The following ITGA9 variants were observed in gnomAD, a reference collection of about 807,000 sequenced individuals.
The protein encoded by ITGA9 is integrin subunit alpha 9.
In ITGA9, 56 loss-of-function variants were observed where a neutral mutation model predicts 127.8. That is an observed-to-expected ratio of 0.44 (90% CI 0.35 to 0.55). The LOEUF (loss-of-function observed/expected upper bound fraction) is 0.55. Among genes scored for constraint, ITGA9 ranks in the 20% least tolerant of loss-of-function variants. The pLI, the probability that ITGA9 is intolerant of heterozygous loss-of-function variation, is 0.00. For missense variants in ITGA9, 1,196 were observed against 1,347.1 expected (o/e 0.89, Z 1.76); for synonymous variants, 508 against 514.5 (o/e 0.99, Z 0.17).
chr3:37,759,337 C>A (rs1199695840), intron 23 of ITGA9, among the ~76,000 whole-genome samples: 1 of 151,838 alleles, frequency 6.6e-6, no homozygotes, highest in African/African-American at 2.4e-5. Flanking sequence ...CTGTATATAT[C>A]ATATATATTT....
intron 23 of ITGA9, among the ~76,000 whole-genome samples, chr3:37,762,517 A>G (rs1696735017): frequency 2.0e-5 from 3 of 152,210 alleles, no homozygotes; most frequent in Admixed American, 6.5e-5. Flanking sequence ...CCTAGAGAGA[A>G]TAGATGGTGA....
intron 10 of ITGA9, among the ~76,000 whole-genome samples, chr3:37,518,340 G>T (rs544623733): frequency 1.8e-4 from 27 of 152,296 alleles, no homozygotes; most frequent in Middle Eastern, 3.4e-3. Flanking sequence ...AGACGTCTTT[G>T]ATACCTCCTA....
chr3:37,649,101 C>A (rs114341041), intron 16 of ITGA9, among the ~76,000 whole-genome samples: 3 of 126,932 alleles, frequency 2.4e-5, no homozygotes, highest in African/African-American at 5.9e-5. Flanking sequence ...AGAAAGGAAT[C>A]AAAACCTATC....
intron 1 of ITGA9, 97 bp from the exon 2 acceptor site, chr3:37,470,910 C>T (rs1698423494): frequency 7.7e-7 from 1 of 1,293,880 alleles, no homozygotes; most frequent in East Asian, 2.3e-5. Context: ...AAAGTGAGCA[C>T]TCAGAGAGCC....
chr3:37,725,040 C>T (rs1701231593), intron 18 of ITGA9, among the ~76,000 whole-genome samples: 1 of 152,140 alleles, frequency 6.6e-6, no homozygotes, highest in African/African-American at 2.4e-5. Flanking sequence ...TCTCAGATCC[C>T]ATCTGCCTCT....
At chr3:37,719,328 C>G (rs368584748) in intron 18 of ITGA9, among the ~76,000 whole-genome samples, 4 of 152,284 alleles carry the variant, frequency 2.6e-5, no homozygotes, top group African/African-American at 2.4e-5. Context: ...GCTGCTGCCC[C>G]CTGAGACAGG....
Position 37,513,817 on chromosome 3 carries a change from C to T in ITGA9, c.952C>T (p.Leu318Phe). 1 of 1,613,990 alleles carries T rather than the reference C, an allele frequency of 6.2e-7. No homozygotes were observed. Residue 318 changes from leucine to phenylalanine, a missense_variant, in exon 9 of 28, where the codon CTC becomes TTC. Transcript: ENST00000264741. ...LCAVDLNGDG[L>F]SDLLVGAPMF... ...CGCAGTTGACCTGAATGGGGACGGCCTCTCTGACCTGCTGGTGGGGGCCCC... is the reference window on the plus strand; with the variant it reads ...CGCAGTTGACCTGAATGGGGACGGCTTCTCTGACCTGCTGGTGGGGGCCCC...
At chr3:37,498,316 C>T (rs1240863754) in intron 5 of ITGA9, among the ~76,000 whole-genome samples, 2 of 152,038 alleles carry the variant, frequency 1.3e-5, no homozygotes, top group Non-Finnish European at 2.9e-5. Context: ...GAGACACCTC[C>T]CTTTAGATGG....
At chr3:37,570,200 G>A (rs1161328884) in intron 15 of ITGA9, among the ~76,000 whole-genome samples, 1 of 152,234 alleles carries the variant, frequency 6.6e-6, no homozygotes, top group Admixed American at 6.5e-5. Context: ...AAACCCAGTA[G>A]GATGCACCTC....
At chr3:37,594,077 A>T (rs976058213) in intron 15 of ITGA9, among the ~76,000 whole-genome samples, 6 of 152,224 alleles carry the variant, frequency 3.9e-5, no homozygotes, top group Non-Finnish European at 4.4e-5. Flanking sequence ...CTGCTGCCAC[A>T]CGTGGGGCCA....
intron 4 of ITGA9, among the ~76,000 whole-genome samples, chr3:37,490,973 C>T (rs1006871093): frequency 3.0e-5 from 4 of 133,286 alleles, no homozygotes; most frequent in South Asian, 2.6e-4. Context: ...GCTTCCCCCC[C>T]GCTTTTTTTT....
At chr3:37,491,357 T>G (rs1698671533) in intron 4 of ITGA9, among the ~76,000 whole-genome samples, 2 of 152,196 alleles carry the variant, frequency 1.3e-5, no homozygotes, top group African/African-American at 4.8e-5. Flanking sequence ...CCCTGCTTCT[T>G]TGAGGTGGAT....
chr3:37,559,546 T>A lies in ITGA9; in HGVS notation c.1689+16961T>A, dbSNP rs542214765. On this transcript the variant is annotated intron_variant, in intron 15 of 27. Transcript: ENST00000264741. The stretch of plus-strand genomic sequence containing the variant: ...TCCAAGCAGGTGTCCTTGCTGCCTC[T>A]TGTTAGCCTTTTGTGAGTTAATTCT... Among the ~76,000 whole-genome samples the A allele has an allele frequency of 2.0e-5, 3 of 152,364 alleles. No individual in the cohort carries two copies. The East Asian group carries it at 5.8e-4, about 29-fold the overall frequency.
rs562469489 is a variant in ITGA9 at position 37,663,911 on chromosome 3, CAAGTGCTTCTAA to C, written c.1916+10130_1916+10141del. On this transcript the variant is annotated intron_variant, in intron 17 of 27. Transcript: ENST00000264741. ...GCATATTAATTAATTAATACATATC[CAAGTGCTTCTAA>C]AAGTGCTTAGCATATAAGGAAACAC... 7.9e-5 allele frequency among the ~76,000 whole-genome samples: 12 copies of C among 152,304 alleles called. No homozygotes were observed. The East Asian group carries it at 2.3e-3, about 29-fold the overall frequency.
chr3:37,633,697 TAGA>T (rs1280760876), intron 16 of ITGA9, among the ~76,000 whole-genome samples: 3 of 152,170 alleles, frequency 2.0e-5, no homozygotes, highest in Non-Finnish European at 4.4e-5. Flanking sequence ...GAATAGCTGG[TAGA>T]AGCCACTGCG....
chr3:37,628,845 G>A (rs1221984007), intron 15 of ITGA9, among the ~76,000 whole-genome samples: 1 of 152,216 alleles, frequency 6.6e-6, no homozygotes, highest in African/African-American at 2.4e-5. Context: ...GGTTAGCAGA[G>A]TGAGCACAGA....
chr3:37,816,812 C>A (rs770047749), intron 27 of ITGA9, among the ~76,000 whole-genome samples: 1 of 152,154 alleles, frequency 6.6e-6, no homozygotes, highest in Non-Finnish European at 1.5e-5. Flanking sequence ...ACAAAACTGG[C>A]CTTGAGGATT....
At chr3:37,778,405 G>C (rs1352214963) in intron 24 of ITGA9, among the ~76,000 whole-genome samples, 1 of 152,082 alleles carries the variant, frequency 6.6e-6, no homozygotes, top group Non-Finnish European at 1.5e-5. Flanking sequence ...ATCACCTGAG[G>C]TCAGGAGTTT....
rs910033162 is a variant in ITGA9 at position 37,609,928 on chromosome 3, A to G, written c.1690-19259A>G. Among the ~76,000 whole-genome samples the G allele has an allele frequency of 4.6e-5, 7 of 152,344 alleles. No individual in the cohort carries two copies. In the East Asian group the frequency reaches 5.8e-4, roughly 13 times the overall value. On this transcript the variant is annotated intron_variant, in intron 15 of 27. Transcript: ENST00000264741. ...TAGCCAGTTCATGTTGCAGAAGAGCATGTGGAGTCGGAGATACTTTACAAG... is the reference window on the plus strand; with the variant it reads ...TAGCCAGTTCATGTTGCAGAAGAGCGTGTGGAGTCGGAGATACTTTACAAG...
Sources: allele counts gnomAD v4.1 joint callset (sites outside exome capture counted in the v4.1 genomes callset), GRCh38; gene constraint gnomAD v4.1.1; transcripts MANE v1.5; gene names NCBI Gene and HGNC (gene_info 2026-07-23, HGNC 2026-07-21).